Variants in TANGO6 observed in about 807,000 individuals in gnomAD.
The protein encoded by TANGO6 is transport and golgi organization 6 homolog.
Under a neutral mutation model 114.2 loss-of-function variants are expected in TANGO6, and 90 were observed. The ratio of observed to expected loss-of-function variants is 0.79; its 90% CI spans 0.66 to 0.94. TANGO6 has a LOEUF of 0.94. TANGO6 is among the 40% of genes least tolerant of loss of function. The pLI is 0.00. For missense variants in TANGO6, 1,274 were observed against 1,315.3 expected, an observed-to-expected ratio of 0.97 and a Z score of 0.49; for synonymous variants, 477 against 509.8, an observed-to-expected ratio of 0.94 and a Z score of 0.87.
intron 17 of TANGO6, among the ~76,000 whole-genome samples, chr16:69,055,072 A>T (rs1366708447): frequency 2.0e-5 from 3 of 151,494 alleles, no homozygotes; most frequent in Admixed American, 2.0e-4. Context: ...AAGAGAGAGC[A>T]GTGATGTATG....
At chr16:68,924,081 G>T (rs1278086806) in intron 12 of TANGO6, among the ~76,000 whole-genome samples, 2 of 152,166 alleles carry the variant, frequency 1.3e-5, no homozygotes, top group African/African-American at 2.4e-5. Flanking sequence ...TTGTATGCAG[G>T]TGATCAAACT....
At chr16:69,037,090 C>T (rs540591720) in intron 16 of TANGO6, among the ~76,000 whole-genome samples, 2 of 145,278 alleles carry the variant, frequency 1.4e-5, no homozygotes, top group South Asian at 4.3e-4. Flanking sequence ...GAGCTGAGAT[C>T]GTGCTACTGC....
intron 15 of TANGO6, among the ~76,000 whole-genome samples, chr16:68,994,113 T>C (rs1963970000): frequency 6.6e-6 from 1 of 152,248 alleles, no homozygotes; most frequent in Admixed American, 6.5e-5. Flanking sequence ...ATCTAGTTAA[T>C]ACGTAACTAT....
At chr16:68,943,026 G>T (rs1037940264) in intron 14 of TANGO6, among the ~76,000 whole-genome samples, 2 of 149,444 alleles carry the variant, frequency 1.3e-5, no homozygotes, top group African/African-American at 4.9e-5. Context: ...TTAGACTCCC[G>T]AGTAGCTGGG....
intron 3 of TANGO6, among the ~76,000 whole-genome samples, chr16:68,866,629 CAA>C (rs58469159): frequency 3.1e-4 from 33 of 104,782 alleles, no homozygotes; most frequent in Admixed American, 8.5e-4. Context: ...GACTCCGTCT[CAA>C]AAAAAAAAAA....
chr16:68,933,052 C>T (rs766604588), intron 14 of TANGO6, among the ~76,000 whole-genome samples: 2 of 152,156 alleles, frequency 1.3e-5, no homozygotes, highest in Non-Finnish European at 2.9e-5. Context: ...TGTTGGATGA[C>T]TAGGTAATAA....
chr16:68,957,602 T>C (rs1177982510), intron 14 of TANGO6, among the ~76,000 whole-genome samples: 1 of 151,842 alleles, frequency 6.6e-6, no homozygotes, highest in Non-Finnish European at 1.5e-5. Flanking sequence ...TTTCACCATG[T>C]TGGCCAGGCT....
chr16:68,965,832 TAAG>T (rs965799722), intron 14 of TANGO6, among the ~76,000 whole-genome samples: 2 of 152,038 alleles, frequency 1.3e-5, no homozygotes, highest in South Asian at 2.1e-4. Context: ...ATTTTTAAAA[TAAG>T]AAATAAAAAC....
At chr16:68,987,812 A>T (rs1479078431) in intron 15 of TANGO6, among the ~76,000 whole-genome samples, 1 of 152,212 alleles carries the variant, frequency 6.6e-6, no homozygotes, top group Non-Finnish European at 1.5e-5. Context: ...GGATGAAGAA[A>T]GTCCTTTGAT....
chr16:68,885,937 C>T (rs989389946), intron 7 of TANGO6, among the ~76,000 whole-genome samples: 2 of 152,098 alleles, frequency 1.3e-5, no homozygotes, highest in Non-Finnish European at 2.9e-5. Flanking sequence ...TATATTGTAA[C>T]TGTATGTTTA....
At chr16:69,043,502 C>T (rs990949995) in intron 17 of TANGO6, among the ~76,000 whole-genome samples, 1 of 152,148 alleles carries the variant, frequency 6.6e-6, no homozygotes, top group Non-Finnish European at 1.5e-5. Flanking sequence ...AAACCTCCGC[C>T]TGTTCTCCAA....
chr16:68,901,598 C>T (rs930298743), intron 8 of TANGO6, among the ~76,000 whole-genome samples: 3 of 152,170 alleles, frequency 2.0e-5, no homozygotes, highest in East Asian at 3.9e-4. Flanking sequence ...AGGCGATTCT[C>T]CTGCCTCAGC....
rs1348785726 is a variant in TANGO6 at position 68,862,941 on chromosome 16, TTAGGTTC to T, written c.736-1_741del. 1.3e-6 allele frequency: 2 copies of T among 1,576,666 alleles called. No individual in the cohort carries two copies. The highest frequency in any genetic ancestry group is 4.6e-5 in the East Asian group (2 of 43,384). On this transcript the variant is annotated splice_acceptor_variant and splice_polypyrimidine_tract_variant and coding_sequence_variant and intron_variant, in exon 3 of 18. Transcript: ENST00000261778. LOFTEE classifies it high-confidence loss of function. ...CACTAAAGCCAAGTGCATATTTCTTTTAGGTTCTAACTGAAGAGGAGAGAACCCTATC... is the reference window on the plus strand; with the variant it reads ...CACTAAAGCCAAGTGCATATTTCTTTTAACTGAAGAGGAGAGAACCCTATC...
In TANGO6 at chr16:69,062,734, A is replaced by C. The variant is rs2013511735; in HGVS notation, c.3109-20751A>C. Among the ~76,000 whole-genome samples the C allele has an allele frequency of 2.0e-5, 3 of 150,014 alleles. No individual in the cohort carries two copies. The South Asian group carries it at 6.4e-4, about 32-fold the overall frequency. On this transcript the variant is annotated intron_variant, in intron 17 of 17. Coordinates refer to ENST00000261778, the MANE Select transcript of TANGO6 (RefSeq NM_024562.2). ...GTGATCCACCCACCTCGGCCTCCCAAAGTTCTGGGATTACAGGCATGAGCC... is the reference window on the plus strand; with the variant it reads ...GTGATCCACCCACCTCGGCCTCCCACAGTTCTGGGATTACAGGCATGAGCC...
intron 11 of TANGO6, among the ~76,000 whole-genome samples, chr16:68,912,209 A>G (rs548236105): frequency 6.6e-6 from 1 of 152,334 alleles, no homozygotes; most frequent in South Asian, 2.1e-4. Flanking sequence ...CTAGAAAATT[A>G]CGTCTTGGCA....
In TANGO6 at chr16:68,914,958, TACACACAC is replaced by T. The variant is rs3061679; in HGVS notation, c.1993-4091_1993-4084del. On this transcript the variant is annotated intron_variant, in intron 11 of 17. Coordinates refer to ENST00000261778, the MANE Select transcript of TANGO6 (RefSeq NM_024562.2). The stretch of plus-strand genomic sequence containing the variant: ...GGATCATACTACTTGTTTTGATATC[TACACACAC>T]ACACACACACACACACACACACACA... 8.2e-3 allele frequency among the ~76,000 whole-genome samples: 1,110 copies of T among 135,280 alleles called. 4 individuals carry two copies. The highest frequency in any genetic ancestry group is 0.012 in the Non-Finnish European group (739 of 63,640). The allele number at this position is 135,280 out of a possible 152,430, so 88.7% of individuals were successfully genotyped here. A position where few individuals can be genotyped will look rare whatever the true frequency, so the allele number is the denominator to read the frequency against.
At chr16:68,866,712 G>A (rs1188970870) in intron 3 of TANGO6, among the ~76,000 whole-genome samples, 1 of 151,978 alleles carries the variant, frequency 6.6e-6, no homozygotes, top group Non-Finnish European at 1.5e-5. Flanking sequence ...TGAGGTGGGT[G>A]GATCACCTGA....
intron 17 of TANGO6, among the ~76,000 whole-genome samples, chr16:69,076,057 C>T (rs1182211728): frequency 1.6e-4 from 24 of 149,346 alleles, no homozygotes; most frequent in Middle Eastern, 3.5e-3. Flanking sequence ...GCCACCGCGC[C>T]TGGCCTGAAT....
At chr16:69,074,200 T>C (rs1960338681) in intron 17 of TANGO6, among the ~76,000 whole-genome samples, 1 of 151,986 alleles carries the variant, frequency 6.6e-6, no homozygotes, top group African/African-American at 2.4e-5. Context: ...CCAGTGCAGA[T>C]TAAAATGCAG....
Sources: gnomAD v4.1 joint callset for allele counts (sites outside exome capture counted in the v4.1 genomes callset) on GRCh38, gnomAD v4.1.1 for gene constraint, MANE v1.5 for transcripts, NCBI Gene and HGNC (gene_info 2026-07-23, HGNC 2026-07-21) for gene names.